The following TAOK3 variants were observed in gnomAD, a reference collection of about 807,000 sequenced individuals.
TAOK3 encodes serine/threonine-protein kinase TAO3.
In TAOK3, 40 loss-of-function variants were observed where a neutral mutation model predicts 120.4. The observed-to-expected ratio is 0.33, with a 90% CI of 0.26 to 0.43. The LOEUF (loss-of-function observed/expected upper bound fraction) is 0.43, where lower values mean the gene tolerates loss of function less well. Ranked by LOEUF, TAOK3 falls within the 20% of genes least tolerant of loss-of-function variation. The pLI, the probability that TAOK3 is intolerant of heterozygous loss-of-function variation, is 1.00. For missense variants in TAOK3, 821 were observed against 1,112.1 expected (o/e 0.74, Z 3.72); for synonymous variants, 355 against 387.5 (o/e 0.92, Z 0.99).
intron 9 of TAOK3, among the ~76,000 whole-genome samples, chr12:118,230,156 A>C (rs547743974): frequency 6.6e-6 from 1 of 152,282 alleles, no homozygotes; most frequent in South Asian, 2.1e-4. Context: ...TGTGTATGAC[A>C]TAGCTAGGAA....
Position 118,152,398 on chromosome 12 carries a change from A to G in TAOK3, c.2364T>C (p.Asp788=), listed in dbSNP as rs779965046. ...CCTGGCATTCTGCTTCTTGAGCCTC[A>G]TCTAGCCGTAACTGCGGACACAGAA... ...EMMASQALRL[D]EAQEAECQAL... Residue 788 remains aspartate (D), a synonymous_variant, in exon 20 of 21, where the codon GAT becomes GAC. Transcript: ENST00000392533. 5.0e-6 allele frequency: 8 copies of G among 1,611,984 alleles called. No homozygotes were observed. Among genetic ancestry groups the G allele is most frequent in the Non-Finnish European group, 5.9e-6 (7 of 1,179,574 alleles).
chr12:118,332,975 AACACACAC>A (rs146893418), intron 1 of TAOK3, among the ~76,000 whole-genome samples: 1 of 149,644 alleles, frequency 6.7e-6, no homozygotes, highest in Non-Finnish European at 1.5e-5. Flanking sequence ...CAACAGTTTC[AACACACAC>A]ACACACACAC....
chr12:118,318,863 T>C (rs368888051), intron 1 of TAOK3, among the ~76,000 whole-genome samples: 1 of 152,216 alleles, frequency 6.6e-6, no homozygotes, highest in Non-Finnish European at 1.5e-5. Context: ...AAATGTGGCA[T>C]GTGTACACAA....
chr12:118,275,463 T>G (rs2041870954), intron 1 of TAOK3, among the ~76,000 whole-genome samples: 1 of 152,220 alleles, frequency 6.6e-6, no homozygotes, highest in Admixed American at 6.5e-5. Context: ...TGCCCCAATA[T>G]TCTGTTATAT....
At chr12:118,170,843 T>C (rs755440065) in intron 17 of TAOK3, among the ~76,000 whole-genome samples, 1 of 152,220 alleles carries the variant, frequency 6.6e-6, no homozygotes, top group Non-Finnish European at 1.5e-5. Flanking sequence ...CTGGCCTACA[T>C]GTGTTCAATA....
chr12:118,199,297 A>G (rs886198850), intron 12 of TAOK3, 40 bp from the exon 13 acceptor site: 1 of 1,488,552 alleles, frequency 6.7e-7, no homozygotes, highest in East Asian at 2.3e-5. Context: ...AAAAGACTGA[A>G]GATAAAGAGT....
chr12:118,352,420 G>A (rs553329417), intron 1 of TAOK3, among the ~76,000 whole-genome samples: 4 of 151,304 alleles, frequency 2.6e-5, no homozygotes, highest in Middle Eastern at 3.4e-3. Context: ...AGGGAGAATC[G>A]CTTGAACCTG....
chr12:118,318,116 C>T (rs1307052477), intron 1 of TAOK3, among the ~76,000 whole-genome samples: 1 of 151,116 alleles, frequency 6.6e-6, no homozygotes, highest in Non-Finnish European at 1.5e-5. Context: ...AACAATAACT[C>T]AGAATAGATC....
intron 9 of TAOK3, among the ~76,000 whole-genome samples, chr12:118,228,949 C>G (rs148036820): frequency 6.6e-6 from 1 of 152,196 alleles, no homozygotes; most frequent in Non-Finnish European, 1.5e-5. Context: ...GAGATAGGGT[C>G]TTACTCCCAT....
chr12:118,319,201 CATAAAT>C (rs1375547190), intron 1 of TAOK3, among the ~76,000 whole-genome samples: 2 of 151,962 alleles, frequency 1.3e-5, no homozygotes, highest in African/African-American at 2.4e-5. Flanking sequence ...CATTGTATAC[CATAAAT>C]ATAATTTTTC....
At chr12:118,294,146 G>T (rs1052991535) in intron 1 of TAOK3, among the ~76,000 whole-genome samples, 9 of 152,022 alleles carry the variant, frequency 5.9e-5, no homozygotes, top group Admixed American at 5.2e-4. Flanking sequence ...TTTTATTGAG[G>T]TATAATTTAC....
chr12:118,212,434 T>A (rs1182292526), intron 11 of TAOK3, among the ~76,000 whole-genome samples: 1 of 152,244 alleles, frequency 6.6e-6, no homozygotes, highest in Admixed American at 6.5e-5. Flanking sequence ...CACGATACTC[T>A]TATCACTAAC....
chr12:118,326,308 G>A lies in TAOK3; in HGVS notation c.-194+46340C>T, dbSNP rs184204922. 4.2e-3 allele frequency among the ~76,000 whole-genome samples: 644 copies of A among 152,222 alleles called. 1 individual carries two copies. Among genetic ancestry groups the A allele is most frequent in the Non-Finnish European group, 6.9e-3 (470 of 68,004 alleles). On this transcript the variant is annotated intron_variant, in intron 1 of 20. Transcript: ENST00000392533. ...TTCTTGCCACCTTTGTTGAAAATAA[G>A]TTGACTGTGGATATGTGAATTTATT...
intron 1 of TAOK3, among the ~76,000 whole-genome samples, chr12:118,281,130 G>A (rs2042085344): frequency 6.6e-6 from 1 of 152,208 alleles, no homozygotes; most frequent in Non-Finnish European, 1.5e-5. Flanking sequence ...ATAGAATCAT[G>A]TTGCCTGCAA....
rs1254327314 is a variant in TAOK3 at position 118,242,883 on chromosome 12, A to C, written c.294+532T>G. ...CCAAACAAACAAACAAACAAACAAAATATATATATATATATGAGTGTGTGT... is the reference window on the plus strand; with the variant it reads ...CCAAACAAACAAACAAACAAACAAACTATATATATATATATGAGTGTGTGT... On this transcript the variant is annotated intron_variant, in intron 5 of 20. Transcript: ENST00000392533. Among the ~76,000 whole-genome samples, 8 of 132,722 alleles carry C rather than the reference A, an allele frequency of 6.0e-5. No individual in the cohort carries two copies. The East Asian group carries it at 1.6e-3, about 27-fold the overall frequency. The allele number at this position is 132,722 out of a possible 152,430, so 87.1% of individuals were successfully genotyped here.
intron 16 of TAOK3, among the ~76,000 whole-genome samples, chr12:118,175,720 C>T (rs934891993): frequency 6.6e-6 from 1 of 152,144 alleles, no homozygotes; most frequent in Non-Finnish European, 1.5e-5. Flanking sequence ...AACCTTAATA[C>T]ACTTAGTAAG....
chr12:118,201,468 T>C lies in TAOK3; in HGVS notation c.820-5A>G. On this transcript the variant is annotated splice_region_variant and splice_polypyrimidine_tract_variant and intron_variant, in intron 11 of 20. Transcript: ENST00000392533. ...GTCTCGTCGAACAAAGTCATGCTGA[T>C]TGAGGGAGGAGGAAAAAATAAACTG... 2.5e-6 allele frequency: 4 copies of C among 1,600,618 alleles called. No individual in the cohort carries two copies. The highest frequency in any genetic ancestry group is 3.4e-6 in the Non-Finnish European group (4 of 1,172,738).
At chr12:118,173,952 C>CT (rs1466876907) in intron 16 of TAOK3, among the ~76,000 whole-genome samples, 1 of 152,204 alleles carries the variant, frequency 6.6e-6, no homozygotes, top group African/African-American at 2.4e-5. Context: ...TCCAGTGAAG[C>CT]TGTAAGTGAA....
intron 14 of TAOK3, among the ~76,000 whole-genome samples, chr12:118,182,108 C>T (rs933516456): frequency 1.3e-5 from 2 of 151,962 alleles, no homozygotes; most frequent in Admixed American, 1.3e-4. Flanking sequence ...TTGCTGGAAC[C>T]CGAGAGGCGG....
Sources: allele counts gnomAD v4.1 joint callset (sites outside exome capture counted in the v4.1 genomes callset), GRCh38; gene constraint gnomAD v4.1.1; transcripts MANE v1.5; gene names NCBI Gene and HGNC (gene_info 2026-07-23, HGNC 2026-07-21).